HK1: variants seen among roughly 807,000 people sequenced by gnomAD.
The protein encoded by HK1 is hexokinase 1.
Under a neutral mutation model 91.6 loss-of-function variants are expected in HK1, and 28 were observed. The observed-to-expected ratio is 0.31, with a 90% CI of 0.23 to 0.42. The LOEUF (loss-of-function observed/expected upper bound fraction) is 0.42. Ranked by LOEUF, HK1 falls within the 10% of genes least tolerant of loss-of-function variation. The probability of loss-of-function intolerance (pLI) is 1.00; values close to 1 mark genes in which losing one functional copy is unlikely to be tolerated. For missense variants in HK1, 770 were observed against 1,219.8 expected (o/e 0.63, Z 5.49); for synonymous variants, 430 against 468.1 (o/e 0.92, Z 1.05).
chr10:69,286,545 G>A (rs994959156), intron 2 of HK1, among the ~76,000 whole-genome samples: 7 of 151,724 alleles, frequency 4.6e-5, no homozygotes, highest in Non-Finnish European at 7.4e-5. Context: ...TTTAGATCAC[G>A]CTTTACTTTT....
At chr10:69,300,880 A>G (rs755115742) in intron 5 of HK1, 12 of 1,192,494 alleles carry the variant, frequency 1.0e-5, no homozygotes, top group Non-Finnish European at 1.5e-5. Flanking sequence ...AAAATCCTGG[A>G]ATACCCACAA....
Position 69,383,780 on chromosome 10 carries a change from T to C in HK1, c.1571-553T>C, listed in dbSNP as rs1839504897. 2.0e-5 allele frequency among the ~76,000 whole-genome samples: 3 copies of C among 152,134 alleles called. No individual in the cohort carries two copies. The South Asian group carries it at 6.2e-4, about 32-fold the overall frequency. ...TCAGTGGGCCACCTGGCTGTTCAAG[T>C]GGTGGCAGCAAGGGCTGCGAGGGAG... On this transcript the variant is annotated intron_variant, in intron 10 of 17. Coordinates refer to ENST00000359426, the MANE Select transcript of HK1 (RefSeq NM_000188.3).
intron 8 of HK1, among the ~76,000 whole-genome samples, chr10:69,379,319 G>A (rs556902253): frequency 6.6e-6 from 1 of 152,226 alleles, no homozygotes; most frequent in East Asian, 1.9e-4. Context: ...ATATGTGTTT[G>A]TGTGTATGTG....
intron 3 of HK1, among the ~76,000 whole-genome samples, chr10:69,362,399 A>G (rs1352648206): frequency 6.6e-6 from 1 of 151,964 alleles, no homozygotes; most frequent in Non-Finnish European, 1.5e-5. Flanking sequence ...TTTCTCAAAT[A>G]AAGAGTGTGT....
chr10:69,347,237 C>CA (rs1848606757), intron 2 of HK1, among the ~76,000 whole-genome samples: 1 of 151,936 alleles, frequency 6.6e-6, no homozygotes, highest in South Asian at 2.1e-4. Context: ...TCTCGAACTC[C>CA]TGACCTCAGG....
intron 1 of HK1, chr10:69,271,050 T>A (rs1844133197): frequency 6.6e-6 from 1 of 152,212 alleles, no homozygotes; most frequent in South Asian, 2.1e-4. Context: ...CAAGCCCTGT[T>A]CTATGCACTG....
chr10:69,346,722 C>A (rs959725746), intron 2 of HK1, among the ~76,000 whole-genome samples: 29 of 151,350 alleles, frequency 1.9e-4, no homozygotes, highest in African/African-American at 5.8e-4. Flanking sequence ...ATTAAAAAAA[C>A]CCCAAAAACC....
At chr10:69,286,189 C>T (rs2394541) in intron 2 of HK1, among the ~76,000 whole-genome samples, 150,559 of 152,338 alleles carry the variant, frequency 0.99, 74,434 homozygotes, top group Non-Finnish European at 1. Context: ...CATCTATCTA[C>T]AAAAACAAAG....
chr10:69,308,174 C>A (rs1349161079), intron 5 of HK1, among the ~76,000 whole-genome samples: 1 of 152,098 alleles, frequency 6.6e-6, no homozygotes, highest in Non-Finnish European at 1.5e-5. Flanking sequence ...CGGTTCCCAA[C>A]CTTTATGGCA....
At chr10:69,377,629 C>T (rs1839182245) in intron 8 of HK1, among the ~76,000 whole-genome samples, 1 of 151,852 alleles carries the variant, frequency 6.6e-6, no homozygotes, top group Non-Finnish European at 1.5e-5. Flanking sequence ...TTCCAGTTTA[C>T]AATATTATGG....
chr10:69,325,002 CTT>C (rs975446659), intron 1 of HK1, among the ~76,000 whole-genome samples: 2 of 149,882 alleles, frequency 1.3e-5, no homozygotes, highest in Non-Finnish European at 3.0e-5. Flanking sequence ...TACTTAGAAA[CTT>C]TGTAAGGTGG....
At chr10:69,376,382 G>A (rs1249787301) in intron 7 of HK1, among the ~76,000 whole-genome samples, 1 of 152,114 alleles carries the variant, frequency 6.6e-6, no homozygotes, top group Non-Finnish European at 1.5e-5. Context: ...GCTGGGCGTG[G>A]TGGTCTAGCT....
intron 3 of HK1, among the ~76,000 whole-genome samples, chr10:69,361,791 A>C (rs968062227): frequency 2.0e-5 from 3 of 152,152 alleles, no homozygotes; most frequent in African/African-American, 7.2e-5. Context: ...AATCATGATA[A>C]TGTAGTACCA....
intron 1 of HK1, among the ~76,000 whole-genome samples, chr10:69,320,592 A>G (rs1846959815): frequency 6.6e-6 from 1 of 152,114 alleles, no homozygotes. Context: ...TTCTCCCGGC[A>G]TGGCAAGAAG....
rs111589382 is a variant in HK1, at chr10:69,325,515, T to C, written c.63+6505T>C. 3.9e-3 allele frequency among the ~76,000 whole-genome samples: 581 copies of C among 149,580 alleles called. 4 individuals are homozygous for C. The highest frequency in any genetic ancestry group is 0.017 in the South Asian group (81 of 4,684). ...TGGGATTACAGGCACCAGCCAATGC[T>C]CCTGGCCTGCATTTTTTTTTTTTTT... On this transcript the variant is annotated intron_variant, in intron 1 of 17. Coordinates refer to ENST00000359426, the MANE Select transcript of HK1 (RefSeq NM_000188.3).
At chr10:69,270,848 C>A (rs773040827) in intron 1 of HK1, among the ~76,000 whole-genome samples, 2 of 152,234 alleles carry the variant, frequency 1.3e-5, no homozygotes, top group Non-Finnish European at 1.5e-5. Context: ...CCTATTGTCC[C>A]CAGAGCCTAC....
chr10:69,344,806 C>A (rs913190811), intron 2 of HK1, among the ~76,000 whole-genome samples: 5 of 151,420 alleles, frequency 3.3e-5, no homozygotes, highest in African/African-American at 1.2e-4. Context: ...TGTGCTTGCT[C>A]CAGCGTGGCG....
chr10:69,308,893 G>A (rs576262473), intron 5 of HK1, among the ~76,000 whole-genome samples: 21 of 152,238 alleles, frequency 1.4e-4, no homozygotes, highest in Middle Eastern at 6.8e-3. Context: ...GAGCTGAGGC[G>A]GTAATGCTCG....
chr10:69,367,982 G>T (rs550073198), intron 4 of HK1, among the ~76,000 whole-genome samples: 1 of 152,294 alleles, frequency 6.6e-6, no homozygotes, highest in South Asian at 2.1e-4. Flanking sequence ...CTTACAAATG[G>T]CGGTTAAGTC....
Sources: gnomAD v4.1 joint callset for allele counts (sites outside exome capture counted in the v4.1 genomes callset) on GRCh38, gnomAD v4.1.1 for gene constraint, MANE v1.5 for transcripts, NCBI Gene and HGNC (gene_info 2026-07-23, HGNC 2026-07-21) for gene names.